The following DGKB variants were observed in gnomAD, a reference collection of about 807,000 sequenced individuals.
DGKB encodes 90 kDa diacylglycerol kinase.
DGKB carries 67 observed loss-of-function variants against 114.3 expected under a neutral mutation model. The ratio of observed to expected loss-of-function variants is 0.59; its 90% confidence interval spans 0.48 to 0.72. DGKB has a LOEUF of 0.72. Ranked by LOEUF, DGKB falls within the 30% of genes least tolerant of loss-of-function variation. The pLI is 0.00. For synonymous variants in DGKB, 398 were observed against 323.1 expected (o/e 1.23, Z -2.49); for missense variants, 907 against 975.2 (o/e 0.93, Z 0.93).
At chr7:14,845,823 G>A (rs1417433823) in intron 1 of DGKB, among the ~76,000 whole-genome samples, 1 of 150,494 alleles carries the variant, frequency 6.6e-6, no homozygotes, top group Non-Finnish European at 1.5e-5. Flanking sequence ...CAACTGAATG[G>A]GCATTAAAAA....
chr7:14,700,185 C>T (rs960984600), intron 7 of DGKB, among the ~76,000 whole-genome samples: 1 of 149,942 alleles, frequency 6.7e-6, no homozygotes, highest in African/African-American at 2.5e-5. Context: ...CCACTAGGCA[C>T]TTAAAAATAA....
intron 23 of DGKB, among the ~76,000 whole-genome samples, chr7:14,301,355 C>G (rs1005172764): frequency 3.5e-4 from 53 of 152,018 alleles, no homozygotes; most frequent in African/African-American, 1.3e-3. Flanking sequence ...TTTCTATATC[C>G]TACACACCCT....
In DGKB at chr7:14,691,303, C is replaced by T. The variant is rs553883974; in HGVS notation, c.711+2772G>A. Among the ~76,000 whole-genome samples, 12 of 152,224 alleles carry T rather than the reference C, an allele frequency of 7.9e-5. No homozygotes were observed. In the East Asian group the frequency reaches 1.5e-3, roughly 20 times the overall value. On this transcript the variant is annotated intron_variant, in intron 9 of 25. Coordinates refer to ENST00000402815, the MANE Select transcript of DGKB (RefSeq NM_001350709.2). ...GCACCATCAATTAGAACCTACTCCC[C>T]GAGCTCATAATTGACAATAGACAAT...
At chr7:14,764,256 T>C (rs943391617) in intron 2 of DGKB, among the ~76,000 whole-genome samples, 1 of 151,896 alleles carries the variant, frequency 6.6e-6, no homozygotes, top group Non-Finnish European at 1.5e-5. Flanking sequence ...TAGAAAAATC[T>C]TTATCAATTA....
intron 23 of DGKB, among the ~76,000 whole-genome samples, chr7:14,257,555 C>A (rs1796124872): frequency 6.6e-6 from 1 of 152,108 alleles, no homozygotes; most frequent in South Asian, 2.1e-4. Context: ...TACCCCCATG[C>A]TGTTCTCGTG....
intron 21 of DGKB, among the ~76,000 whole-genome samples, chr7:14,357,519 C>T (rs1462273312): frequency 6.6e-6 from 1 of 152,152 alleles, no homozygotes; most frequent in Admixed American, 6.5e-5. Context: ...CTCCTGAATA[C>T]AGCATACCAA....
chr7:14,879,593 G>C (rs1853903354), intron 1 of DGKB, among the ~76,000 whole-genome samples: 1 of 152,134 alleles, frequency 6.6e-6, no homozygotes, highest in Admixed American at 6.5e-5. Context: ...GAAGCCCCAA[G>C]TATCTCCCTG....
intron 21 of DGKB, among the ~76,000 whole-genome samples, chr7:14,376,740 C>T (rs1223379491): frequency 1.3e-5 from 2 of 152,080 alleles, no homozygotes; most frequent in Non-Finnish European, 2.9e-5. Flanking sequence ...GTGTGAGAAG[C>T]CATTTTATGA....
chr7:14,512,270 C>T (rs971851688), intron 20 of DGKB, among the ~76,000 whole-genome samples: 1 of 152,126 alleles, frequency 6.6e-6, no homozygotes, highest in African/African-American at 2.4e-5. Context: ...ATCATAGAAG[C>T]TGATGTTTGA....
chr7:14,849,888 C>T (rs1372432958), intron 1 of DGKB, among the ~76,000 whole-genome samples: 1 of 152,108 alleles, frequency 6.6e-6, no homozygotes, highest in Non-Finnish European at 1.5e-5. Context: ...TAGACACTAT[C>T]CATCACATAT....
At chr7:14,771,914 T>G (rs967117238) in intron 2 of DGKB, among the ~76,000 whole-genome samples, 1 of 152,078 alleles carries the variant, frequency 6.6e-6, no homozygotes, top group East Asian at 1.9e-4. Context: ...ATCTGAGAGA[T>G]TTCTCTGCAC....
chr7:14,366,641 A>G (rs1483159958), intron 21 of DGKB, among the ~76,000 whole-genome samples: 1 of 152,154 alleles, frequency 6.6e-6, no homozygotes, highest in East Asian at 1.9e-4. Flanking sequence ...AATGCAAATT[A>G]TTGCACCTGA....
At chr7:14,295,060 G>C (rs113796344) in intron 23 of DGKB, among the ~76,000 whole-genome samples, 1 of 152,100 alleles carries the variant, frequency 6.6e-6, no homozygotes, top group Non-Finnish European at 1.5e-5. Flanking sequence ...CCTTCCCCTA[G>C]AAGCAGCTTT....
chr7:14,901,658 A>G (rs1352339467), intron 1 of DGKB, among the ~76,000 whole-genome samples: 1 of 131,040 alleles, frequency 7.6e-6, no homozygotes, highest in African/African-American at 2.9e-5. Flanking sequence ...TGGTCAATGC[A>G]AGAGGACCTG....
chr7:14,419,732 G>C (rs2067698), intron 21 of DGKB, among the ~76,000 whole-genome samples: 36,079 of 151,810 alleles, frequency 0.24, 5,118 homozygotes, highest in East Asian at 0.49. Context: ...AGACATACAG[G>C]CTCTCAGTTA....
intron 21 of DGKB, among the ~76,000 whole-genome samples, chr7:14,452,056 T>G (rs894347813): frequency 1.3e-5 from 2 of 152,130 alleles, no homozygotes; most frequent in African/African-American, 4.8e-5. Flanking sequence ...TTATTTAGAT[T>G]TATTTGGAAA....
chr7:14,751,714 C>T (rs1244752303), intron 4 of DGKB, among the ~76,000 whole-genome samples: 1 of 152,158 alleles, frequency 6.6e-6, no homozygotes, highest in Non-Finnish European at 1.5e-5. Context: ...TCATGTTCCC[C>T]ACTCCTACCA....
chr7:14,519,287 T>C (rs1159681299), intron 20 of DGKB, among the ~76,000 whole-genome samples: 1 of 152,066 alleles, frequency 6.6e-6, no homozygotes, highest in Non-Finnish European at 1.5e-5. Flanking sequence ...ACCTCTGATA[T>C]AAATTTTTTT....
chr7:14,321,484 G>C (rs951898789), intron 23 of DGKB, among the ~76,000 whole-genome samples: 1 of 151,454 alleles, frequency 6.6e-6, no homozygotes, highest in Admixed American at 6.6e-5. Context: ...AGGAACATTA[G>C]AGAAATGGTG....
Sources: allele counts gnomAD v4.1 joint callset (sites outside exome capture counted in the v4.1 genomes callset), GRCh38; gene constraint gnomAD v4.1.1; transcripts MANE v1.5; gene names NCBI Gene and HGNC (gene_info 2026-07-23, HGNC 2026-07-21).